Variants in GOLPH3 observed in about 807,000 individuals in gnomAD.
GOLPH3 encodes golgi phosphoprotein 3, also known as coat protein GPP34.
Under a neutral mutation model 28.5 loss-of-function variants are expected in GOLPH3, and 14 were observed. That is an observed-to-expected ratio of 0.49 (90% CI 0.32 to 0.77). The LOEUF (loss-of-function observed/expected upper bound fraction) is 0.77, where lower values mean the gene tolerates loss of function less well. GOLPH3 is among the 30% of genes least tolerant of loss of function. The probability of loss-of-function intolerance (pLI) is 0.03; values close to 1 mark genes in which losing one functional copy is unlikely to be tolerated. For synonymous variants in GOLPH3, 158 were observed against 159.2 expected, an observed-to-expected ratio of 0.99 and a Z score of 0.06; for missense variants, 350 against 393.7, an observed-to-expected ratio of 0.89 and a Z score of 0.94.
At chr5:32,143,029 G>C (rs1213803646) in intron 2 of GOLPH3, among the ~76,000 whole-genome samples, 1 of 152,298 alleles carries the variant, frequency 6.6e-6, no homozygotes, top group African/African-American at 2.4e-5. Flanking sequence ...GTGGGGAAAA[G>C]ATTGAGAAAT....
At chr5:32,155,402 TC>T (rs1326769894) in intron 1 of GOLPH3, among the ~76,000 whole-genome samples, 1 of 152,116 alleles carries the variant, frequency 6.6e-6, no homozygotes, top group Non-Finnish European at 1.5e-5. Flanking sequence ...TCCAGGCTAG[TC>T]TCAAATTCCT....
At chr5:32,171,811 G>A (rs1340671329) in intron 1 of GOLPH3, among the ~76,000 whole-genome samples, 1 of 152,086 alleles carries the variant, frequency 6.6e-6, no homozygotes, top group African/African-American at 2.4e-5. Context: ...AGCAGGGCGT[G>A]GTGGTGCATG....
At chr5:32,158,132 TACACACACACACACACACACACACAC>T (rs70961610) in intron 1 of GOLPH3, among the ~76,000 whole-genome samples, 2 of 33,684 alleles carry the variant, frequency 5.9e-5, no homozygotes, top group Admixed American at 3.3e-4. Flanking sequence ...ATAAATAAAA[TACACACACACACACACACACACACAC>T]ACACACACAC....
chr5:32,127,967 A>G (rs1213715612), intron 3 of GOLPH3, among the ~76,000 whole-genome samples: 1 of 151,962 alleles, frequency 6.6e-6, no homozygotes, highest in African/African-American at 2.4e-5. Context: ...GAAGAACCCA[A>G]GCAGAGCACA....
chr5:32,140,888 A>G (rs1161203970), intron 2 of GOLPH3, among the ~76,000 whole-genome samples: 5 of 151,992 alleles, frequency 3.3e-5, no homozygotes, highest in African/African-American at 1.2e-4. Flanking sequence ...TGGGCTGGGC[A>G]TGATAGCTCA....
chr5:32,150,197 A>G (rs1746273417), intron 1 of GOLPH3, among the ~76,000 whole-genome samples: 1 of 152,094 alleles, frequency 6.6e-6, no homozygotes, highest in South Asian at 2.1e-4. Flanking sequence ...CCTTTACAAC[A>G]GCAACAAAAA....
chr5:32,171,082 G>T (rs930322160), intron 1 of GOLPH3, among the ~76,000 whole-genome samples: 1 of 152,102 alleles, frequency 6.6e-6, no homozygotes, highest in Admixed American at 6.5e-5. Context: ...TTTAAATTAT[G>T]TGAGTATGGT....
intron 3 of GOLPH3, among the ~76,000 whole-genome samples, chr5:32,130,557 T>C (rs1010627230): frequency 9.2e-5 from 14 of 152,150 alleles, no homozygotes; most frequent in African/African-American, 2.9e-4. Context: ...CCAAGTCAAA[T>C]AGGAAGGAAT....
chr5:32,139,928 G>A (rs374376920), intron 2 of GOLPH3, among the ~76,000 whole-genome samples: 13 of 152,110 alleles, frequency 8.5e-5, no homozygotes, highest in African/African-American at 2.9e-4. Flanking sequence ...ATCAAAAACA[G>A]GAGAGTCACA....
intron 3 of GOLPH3, among the ~76,000 whole-genome samples, chr5:32,130,127 C>T (rs1745792921): frequency 6.6e-6 from 1 of 152,174 alleles, no homozygotes; most frequent in Admixed American, 6.5e-5. Context: ...AGGCATGAGC[C>T]ACCGCACCCA....
intron 3 of GOLPH3, among the ~76,000 whole-genome samples, chr5:32,132,585 T>C (rs919559917): frequency 3.9e-5 from 6 of 152,348 alleles, no homozygotes; most frequent in African/African-American, 1.4e-4. Flanking sequence ...GATTTTAAGA[T>C]TCTTTCAGTC....
At chr5:32,133,975 T>G (rs1745881207) in intron 3 of GOLPH3, among the ~76,000 whole-genome samples, 1 of 152,228 alleles carries the variant, frequency 6.6e-6, no homozygotes, top group Admixed American at 6.5e-5. Flanking sequence ...TACGTTTACG[T>G]TCTTACCAAT....
intron 3 of GOLPH3, among the ~76,000 whole-genome samples, chr5:32,129,866 G>C (rs779784800): frequency 2.0e-5 from 3 of 151,494 alleles, no homozygotes; most frequent in Non-Finnish European, 4.4e-5. Flanking sequence ...TTTTGAGACG[G>C]AGTCTCACTC....
intron 2 of GOLPH3, among the ~76,000 whole-genome samples, chr5:32,142,207 C>T (rs1024908005): frequency 6.6e-6 from 1 of 151,824 alleles, no homozygotes; most frequent in African/African-American, 2.4e-5. Flanking sequence ...AGGAGCGTCT[C>T]TGCCCGGCCG....
intron 1 of GOLPH3, among the ~76,000 whole-genome samples, chr5:32,160,243 C>T (rs751759288): frequency 6.6e-6 from 1 of 152,064 alleles, no homozygotes; most frequent in Non-Finnish European, 1.5e-5. Context: ...GTTTAATATA[C>T]ATTTTTATTA....
chr5:32,128,866 A>AG (rs1319954590), intron 3 of GOLPH3, among the ~76,000 whole-genome samples: 1 of 152,004 alleles, frequency 6.6e-6, no homozygotes, highest in African/African-American at 2.4e-5. Flanking sequence ...ACTAGGGGTA[A>AG]GGGGGGAGTC....
At chr5:32,152,131 T>G (rs1372170717) in intron 1 of GOLPH3, among the ~76,000 whole-genome samples, 2 of 151,990 alleles carry the variant, frequency 1.3e-5, no homozygotes, top group African/African-American at 4.8e-5. Flanking sequence ...TTTTACCTTT[T>G]TTTTTTTCTT....
intron 1 of GOLPH3, 45 bp from the exon 2 acceptor site, chr5:32,143,925 C>G: frequency 3.0e-6 from 4 of 1,346,924 alleles, no homozygotes; most frequent in Non-Finnish European, 4.0e-6. Flanking sequence ...GCTAATTTAC[C>G]TTGAATTCAG....
At chr5:32,162,897 T>G (rs1050897489) in intron 1 of GOLPH3, among the ~76,000 whole-genome samples, 1 of 152,034 alleles carries the variant, frequency 6.6e-6, no homozygotes, top group South Asian at 2.1e-4. Context: ...GCTAACACAG[T>G]GAAACCCCGT....
Sources: allele counts gnomAD v4.1 joint callset (sites outside exome capture counted in the v4.1 genomes callset), GRCh38; gene constraint gnomAD v4.1.1; transcripts MANE v1.5; gene names NCBI Gene and HGNC (gene_info 2026-07-23, HGNC 2026-07-21).